The following CCDC171 variants were observed in gnomAD, a reference collection of about 807,000 sequenced individuals.
The protein encoded by CCDC171 is coiled-coil domain-containing protein 171.
In CCDC171, 177 loss-of-function variants were observed where a neutral mutation model predicts 168.2. The ratio of observed to expected loss-of-function variants is 1.05; its 90% CI spans 0.93 to 1.19. The LOEUF is 1.19. Ranked by LOEUF, CCDC171 falls within the 50% of genes most tolerant of loss-of-function variation. The pLI, the probability that CCDC171 is intolerant of heterozygous loss-of-function variation, is 0.00. For missense variants in CCDC171, 1,991 were observed against 1,539.0 expected, an observed-to-expected ratio of 1.29 and a Z score of -4.91; for synonymous variants, 687 against 540.8, an observed-to-expected ratio of 1.27 and a Z score of -3.75.
At chr9:15,767,630 A>G (rs902472430) in intron 18 of CCDC171, among the ~76,000 whole-genome samples, 2 of 151,746 alleles carry the variant, frequency 1.3e-5, no homozygotes, top group African/African-American at 2.4e-5. Context: ...AAAAAAAATT[A>G]CAGAGTACAT....
downstream of CCDC171, among the ~76,000 whole-genome samples, chr9:15,977,511 G>T (rs965618309): frequency 6.6e-6 from 1 of 152,108 alleles, no homozygotes; most frequent in South Asian, 2.1e-4. Flanking sequence ...TTTTTAAAGC[G>T]CTGACCTTAA....
intron 3 of CCDC171, among the ~76,000 whole-genome samples, chr9:16,014,467 C>T (rs1286345067): frequency 1.3e-5 from 2 of 152,194 alleles, no homozygotes; most frequent in Admixed American, 1.3e-4. Flanking sequence ...GACCTCCACC[C>T]ATGAATTACT....
At chr9:15,787,903 T>C (rs1169960462) in intron 21 of CCDC171, among the ~76,000 whole-genome samples, 1 of 152,228 alleles carries the variant, frequency 6.6e-6, no homozygotes, top group Non-Finnish European at 1.5e-5. Flanking sequence ...AACATTTTTA[T>C]GATTCATGTC....
chr9:15,741,717 G>A (rs2054891925), intron 16 of CCDC171, among the ~76,000 whole-genome samples: 1 of 152,016 alleles, frequency 6.6e-6, no homozygotes, highest in Non-Finnish European at 1.5e-5. Context: ...TCTACAAATG[G>A]AGATAGTTTT....
At chr9:16,005,857 G>C (rs1321815288) in intron 3 of CCDC171, among the ~76,000 whole-genome samples, 1 of 152,078 alleles carries the variant, frequency 6.6e-6, no homozygotes, top group South Asian at 2.1e-4. Flanking sequence ...ACCTAAGAAA[G>C]TCACATGGTA....
intron 8 of CCDC171, among the ~76,000 whole-genome samples, chr9:15,661,237 A>G (rs2048293653): frequency 6.6e-6 from 1 of 150,766 alleles, no homozygotes; most frequent in Non-Finnish European, 1.5e-5. Flanking sequence ...CAGAGATTGC[A>G]CCACTGAAAT....
At chr9:15,688,117 T>TA (rs2050535450) in intron 10 of CCDC171, among the ~76,000 whole-genome samples, 1 of 14,966 alleles carries the variant, frequency 6.7e-5, no homozygotes, top group Non-Finnish European at 1.4e-4. Context: ...AGACTCCATC[T>TA]CAAAAAAAAA....
At chr9:15,919,174 C>T (rs897908242) in intron 24 of CCDC171, among the ~76,000 whole-genome samples, 8 of 151,578 alleles carry the variant, frequency 5.3e-5, no homozygotes, top group African/African-American at 1.7e-4. Flanking sequence ...TGAAAAAGAT[C>T]TGAGCTGGTT....
chr9:15,582,506 A>C (rs1007474305), intron 4 of CCDC171, among the ~76,000 whole-genome samples: 16 of 152,328 alleles, frequency 1.1e-4, no homozygotes, highest in African/African-American at 3.6e-4. Context: ...CACTGTTCAC[A>C]ATAGCAAAGA....
At chr9:15,740,026 C>T (rs1251509973) in intron 16 of CCDC171, among the ~76,000 whole-genome samples, 2 of 152,082 alleles carry the variant, frequency 1.3e-5, no homozygotes, top group East Asian at 1.9e-4. Flanking sequence ...TTTGAGCCAC[C>T]GTGCCTGGCC....
intron 18 of CCDC171, among the ~76,000 whole-genome samples, chr9:15,775,597 A>C (rs1970496): frequency 0.94 from 143,336 of 152,296 alleles, 67,519 homozygotes; most frequent in East Asian, 1. Flanking sequence ...GGATTACAGG[A>C]GTGAGCCACT....
intron 18 of CCDC171, among the ~76,000 whole-genome samples, chr9:15,766,295 A>G (rs2056718694): frequency 1.3e-5 from 2 of 152,118 alleles, no homozygotes; most frequent in Admixed American, 6.5e-5. Context: ...GCCAACATTC[A>G]TGAAATTTGT....
chr9:15,636,286 G>C (rs2046194893), intron 7 of CCDC171, among the ~76,000 whole-genome samples: 1 of 151,884 alleles, frequency 6.6e-6, no homozygotes, highest in South Asian at 2.1e-4. Context: ...AACCACACAT[G>C]GGTTATTTTT....
intron 11 of CCDC171, among the ~76,000 whole-genome samples, chr9:15,698,297 G>A (rs760579596): frequency 2.9e-4 from 44 of 152,006 alleles, no homozygotes; most frequent in Non-Finnish European, 4.9e-4. Flanking sequence ...CGAGGGGGGT[G>A]GATCACGAGG....
the CCDC171 span, among the ~76,000 whole-genome samples, chr9:16,101,497 TTA>T: frequency 6.6e-6 from 1 of 152,220 alleles, no homozygotes; most frequent in East Asian, 1.9e-4. Flanking sequence ...ACTCCTGTGA[TTA>T]TGTTACACTA....
intron 25 of CCDC171, among the ~76,000 whole-genome samples, chr9:15,955,179 G>A (rs989720956): frequency 9.2e-5 from 14 of 152,082 alleles, no homozygotes; most frequent in African/African-American, 3.1e-4. Flanking sequence ...GTCTTTTCTG[G>A]ATCTGCACCT....
intron 3 of CCDC171, among the ~76,000 whole-genome samples, chr9:15,573,083 C>A (rs1400607011): frequency 6.6e-6 from 1 of 152,102 alleles, no homozygotes; most frequent in East Asian, 1.9e-4. Flanking sequence ...CGCTTGAGCC[C>A]TGGAGCTGGA....
chr9:15,631,311 T>C (rs1406418070), intron 7 of CCDC171, among the ~76,000 whole-genome samples: 2 of 151,662 alleles, frequency 1.3e-5, no homozygotes, highest in Non-Finnish European at 2.9e-5. Flanking sequence ...AAGAATCAAA[T>C]AGATGCAAGA....
chr9:16,073,021 C>A, the CCDC171 span, among the ~76,000 whole-genome samples: 1 of 152,208 alleles, frequency 6.6e-6, no homozygotes, highest in African/African-American at 2.4e-5. Context: ...AGTTGCTTTA[C>A]CTCTCTAAGC....
Sources: gnomAD v4.1 joint callset for allele counts (sites outside exome capture counted in the v4.1 genomes callset) on GRCh38, gnomAD v4.1.1 for gene constraint, MANE v1.5 for transcripts, NCBI Gene and HGNC (gene_info 2026-07-23, HGNC 2026-07-21) for gene names.